The following SPAG16 variants were observed in gnomAD, a reference collection of about 807,000 sequenced individuals.
SPAG16 encodes the protein sperm-associated antigen 16 protein.
A neutral mutation model predicts 80.4 loss-of-function variants in SPAG16; 86 were observed. That is an observed-to-expected ratio of 1.07 (90% CI 0.90 to 1.28). SPAG16 has a LOEUF of 1.28. Ranked by LOEUF, SPAG16 falls within the 50% of genes most tolerant of loss-of-function variation. The pLI is 0.00. For missense variants in SPAG16, 870 were observed against 765.3 expected (o/e 1.14, Z -1.61); for synonymous variants, 294 against 265.9 (o/e 1.11, Z -1.03).
At chr2:213,367,207 T>A (rs2066350419) in intron 8 of SPAG16, among the ~76,000 whole-genome samples, 1 of 148,330 alleles carries the variant, frequency 6.7e-6, no homozygotes, top group Non-Finnish European at 1.5e-5. Context: ...TTTGGGTTGG[T>A]TCCAAGTCTT....
In SPAG16 at chr2:213,512,378, A is replaced by G. The variant is rs147637318; in HGVS notation, c.1070+22288A>G. The stretch of plus-strand genomic sequence containing the variant: ...AAGAAAAAATTATTTTTTGCACTCA[A>G]GCTACAGAGCCCTAAACCTATCAGG... On this transcript the variant is annotated intron_variant, in intron 10 of 15. Transcript: ENST00000331683. 3.7e-3 allele frequency among the ~76,000 whole-genome samples: 561 copies of G among 152,272 alleles called. 10 individuals are homozygous for G. Among genetic ancestry groups the G allele is most frequent in the Middle Eastern group, 0.024 (7 of 294 alleles).
At chr2:213,497,093 A>G (rs114070819) in intron 10 of SPAG16, among the ~76,000 whole-genome samples, 93 of 152,126 alleles carry the variant, frequency 6.1e-4, no homozygotes, top group African/African-American at 2.2e-3. Flanking sequence ...AGAATAATTT[A>G]AAATATTTTC....
intron 15 of SPAG16, among the ~76,000 whole-genome samples, chr2:214,386,235 C>A (rs2126117786): frequency 6.6e-6 from 1 of 151,768 alleles, no homozygotes; most frequent in South Asian, 2.1e-4. Context: ...CTTAGCCGGG[C>A]ATGGTGGCAT....
intron 10 of SPAG16, among the ~76,000 whole-genome samples, chr2:213,755,173 T>C (rs1246364404): frequency 6.6e-6 from 1 of 152,204 alleles, no homozygotes; most frequent in Non-Finnish European, 1.5e-5. Flanking sequence ...TATTTTTTTA[T>C]GTTGGTGTTA....
chr2:213,367,356 A>C (rs1287790289), intron 8 of SPAG16, among the ~76,000 whole-genome samples: 4 of 152,168 alleles, frequency 2.6e-5, no homozygotes, highest in Non-Finnish European at 4.4e-5. Context: ...TCTTTGAGGA[A>C]TTGCCACACT....
chr2:213,448,561 T>A (rs1250336273), intron 9 of SPAG16, among the ~76,000 whole-genome samples: 1 of 152,074 alleles, frequency 6.6e-6, no homozygotes, highest in Non-Finnish European at 1.5e-5. Flanking sequence ...ACTGAGAGAA[T>A]GAACAAGCCT....
In SPAG16 at chr2:213,749,820, T is replaced by C. The variant is rs146487627; in HGVS notation, c.1071-112665T>C. 2.8e-4 allele frequency among the ~76,000 whole-genome samples: 42 copies of C among 152,352 alleles called. 1 individual carries two copies. The East Asian group carries it at 7.3e-3, about 27-fold the overall frequency. On this transcript the variant is annotated intron_variant, in intron 10 of 15. Coordinates refer to ENST00000331683, the MANE Select transcript of SPAG16 (RefSeq NM_024532.5). Reference sequence around the variant, plus strand: ...TTTATTTTAAAGACTGAGTTTTCTCTTGACCAATTCTTTCCATAAGTTCAC... The same window carrying C: ...TTTATTTTAAAGACTGAGTTTTCTCCTGACCAATTCTTTCCATAAGTTCAC...
chr2:214,394,623 TAC>T (rs1701261426), intron 15 of SPAG16, among the ~76,000 whole-genome samples: 1 of 152,164 alleles, frequency 6.6e-6, no homozygotes, highest in South Asian at 2.1e-4. Flanking sequence ...AAATTGAAAG[TAC>T]AGAGATTTCC....
intron 15 of SPAG16, among the ~76,000 whole-genome samples, chr2:214,166,343 C>T (rs564685959): frequency 1.7e-4 from 26 of 152,232 alleles, no homozygotes; most frequent in Admixed American, 3.3e-4. Flanking sequence ...TTGGAATTGA[C>T]GAATGGGAGG....
intron 15 of SPAG16, among the ~76,000 whole-genome samples, chr2:214,218,570 G>A (rs992968462): frequency 7.2e-5 from 11 of 152,190 alleles, no homozygotes; most frequent in African/African-American, 2.7e-4. Flanking sequence ...AAGAACCTGG[G>A]AAGAGAGGAT....
intron 4 of SPAG16, among the ~76,000 whole-genome samples, chr2:213,313,671 A>G (rs1438637156): frequency 3.9e-5 from 6 of 151,916 alleles, no homozygotes; most frequent in Admixed American, 3.9e-4. Context: ...GCTGGATACT[A>G]AAAGGACTTC....
intron 12 of SPAG16, among the ~76,000 whole-genome samples, chr2:213,961,310 G>A (rs574618242): frequency 5.7e-4 from 87 of 151,942 alleles, no homozygotes; most frequent in African/African-American, 2.0e-3. Flanking sequence ...ATGTATATTC[G>A]AGTTTTCTAC....
intron 10 of SPAG16, among the ~76,000 whole-genome samples, chr2:213,750,544 C>A (rs573918452): frequency 6.6e-6 from 1 of 152,088 alleles, no homozygotes; most frequent in Admixed American, 6.5e-5. Context: ...ATGGTAGGTT[C>A]TCTTGTTGGT....
At chr2:214,103,534 G>A (rs1020983770) in intron 13 of SPAG16, among the ~76,000 whole-genome samples, 6 of 152,204 alleles carry the variant, frequency 3.9e-5, no homozygotes, top group Admixed American at 1.3e-4. Flanking sequence ...TTGTGTTTGA[G>A]TTGAAAGCAG....
chr2:214,193,824 G>T (rs2057747321), intron 15 of SPAG16, among the ~76,000 whole-genome samples: 1 of 152,028 alleles, frequency 6.6e-6, no homozygotes, highest in Non-Finnish European at 1.5e-5. Flanking sequence ...TGGTGCAAAT[G>T]TTCTCTCTAC....
At chr2:214,177,829 AT>A (rs1301445408) in intron 15 of SPAG16, among the ~76,000 whole-genome samples, 1 of 145,798 alleles carries the variant, frequency 6.9e-6, no homozygotes, top group East Asian at 2.0e-4. Context: ...ATAAGTAAAT[AT>A]TTTATATGTC....
At chr2:213,396,884 G>A (rs776236395) in intron 9 of SPAG16, among the ~76,000 whole-genome samples, 10 of 151,926 alleles carry the variant, frequency 6.6e-5, no homozygotes, top group Non-Finnish European at 8.8e-5. Flanking sequence ...CTAATCCTCC[G>A]TAAGGATCCT....
intron 8 of SPAG16, among the ~76,000 whole-genome samples, chr2:213,370,250 C>T (rs2066557292): frequency 6.6e-6 from 1 of 152,022 alleles, no homozygotes; most frequent in African/African-American, 2.4e-5. Flanking sequence ...AAAACTCATG[C>T]ATAAGAAATA....
intron 15 of SPAG16, among the ~76,000 whole-genome samples, chr2:214,155,270 G>T (rs1397999204): frequency 2.6e-5 from 4 of 152,150 alleles, no homozygotes; most frequent in Non-Finnish European, 4.4e-5. Context: ...GCTCACACAG[G>T]CCTGGAAATA....
Sources: allele counts gnomAD v4.1 joint callset (sites outside exome capture counted in the v4.1 genomes callset), GRCh38; gene constraint gnomAD v4.1.1; transcripts MANE v1.5; gene names NCBI Gene and HGNC (gene_info 2026-07-23, HGNC 2026-07-21).